Variants in ZNF431 observed in about 807,000 individuals in gnomAD.
The protein encoded by ZNF431 is zinc finger protein 431.
In ZNF431, 34 loss-of-function variants were observed where a neutral mutation model predicts 57.0. That is an observed-to-expected ratio of 0.60 (90% CI 0.45 to 0.79). ZNF431 has a LOEUF of 0.79. Ranked by LOEUF, ZNF431 falls within the 30% of genes least tolerant of loss-of-function variation. The pLI is 0.00. For missense variants in ZNF431, 607 were observed against 667.1 expected, an observed-to-expected ratio of 0.91 and a Z score of 0.99; for synonymous variants, 207 against 220.3, an observed-to-expected ratio of 0.94 and a Z score of 0.54.
chr19:21,151,069 T>G (rs1436289516), intron 2 of ZNF431: 1 of 152,130 alleles, frequency 6.6e-6, no homozygotes, highest in Admixed American at 6.6e-5. Flanking sequence ...TTTTTTTTTT[T>G]GGAATGGAGT....
At chr19:21,148,228 C>G (rs12052171) in intron 2 of ZNF431, among the ~76,000 whole-genome samples, 24,266 of 152,012 alleles carry the variant, frequency 0.16, 2,194 homozygotes, top group African/African-American at 0.24. Context: ...AACTCCTGAC[C>G]TTGTGATCGG....
chr19:21,149,971 C>T (rs540539534), intron 2 of ZNF431: 36 of 588,464 alleles, frequency 6.1e-5, no homozygotes, highest in Middle Eastern at 4.8e-4. Context: ...CCACATCATG[C>T]GCAATCACCA....
Position 21,193,254 on chromosome 19 carries a change from C to G in ZNF431, c.*9220C>G, listed in dbSNP as rs998455234. On this transcript the variant is annotated 3_prime_UTR_variant, in exon 5 of 5. Coordinates refer to ENST00000311048, the MANE Select transcript of ZNF431 (RefSeq NM_133473.4). ...ATTATATAAAATCTGTATCGCTGCA[C>G]GAGGTGGCTCACGCCTGTAATCCCA... The G allele has an allele frequency of 6.6e-6, 1 of 152,106 alleles. No individual in the cohort carries two copies. Among genetic ancestry groups the G allele is most frequent in the Admixed American group, 6.5e-5 (1 of 15,270 alleles). The allele number at this position is 152,106 out of a possible 1,614,324, so 9.4% of individuals were successfully genotyped here. A position where few individuals can be genotyped will look rare whatever the true frequency, so the allele number is the denominator to read the frequency against.
intron 4 of ZNF431, among the ~76,000 whole-genome samples, chr19:21,170,952 C>T (rs775194723): frequency 6.6e-5 from 10 of 152,144 alleles, no homozygotes; most frequent in Non-Finnish European, 1.0e-4. Flanking sequence ...GGATTACAGG[C>T]GTGAGCCATT....
At chr19:21,147,276 C>G (rs1193846295) in intron 2 of ZNF431, among the ~76,000 whole-genome samples, 3 of 152,074 alleles carry the variant, frequency 2.0e-5, no homozygotes, top group African/African-American at 7.2e-5. Context: ...TATCTGACGT[C>G]AGGAGTTCAA....
In ZNF431 at chr19:21,185,849, TACAA is replaced by T. The variant is rs1276824634; in HGVS notation, c.*1820_*1823del. On this transcript the variant is annotated 3_prime_UTR_variant, in exon 5 of 5. Coordinates refer to ENST00000311048, the MANE Select transcript of ZNF431 (RefSeq NM_133473.4). ...CATCTGTAGCATTTCTCCTTTGTTT[TACAA>T]ACAATCCAATTCTACACTTTAAAAA... 3 of 151,732 alleles carry T rather than the reference TACAA, an allele frequency of 2.0e-5. No homozygotes were observed. Among genetic ancestry groups the T allele is most frequent in the Non-Finnish European group, 4.4e-5 (3 of 68,008 alleles). 9.4% of individuals were successfully genotyped at this position (151,732 alleles called of 1,614,324 possible). A position where few individuals can be genotyped will look rare whatever the true frequency, so the allele number is the denominator to read the frequency against.
chr19:21,147,454 C>T (rs1970132625), intron 2 of ZNF431, among the ~76,000 whole-genome samples: 1 of 152,020 alleles, frequency 6.6e-6, no homozygotes, highest in Non-Finnish European at 1.5e-5. Flanking sequence ...TGCATCATTA[C>T]ACTCCAGCTC....
At chr19:21,171,634 T>C (rs2145011265) in intron 4 of ZNF431, among the ~76,000 whole-genome samples, 1 of 150,664 alleles carries the variant, frequency 6.6e-6, no homozygotes. Context: ...TTTTATCTTG[T>C]CTAAGTGAGT....
At chr19:21,162,823 T>G (rs1970613023) in intron 2 of ZNF431, 1 of 891,464 alleles carries the variant, frequency 1.1e-6, no homozygotes, top group Non-Finnish European at 1.3e-6. Flanking sequence ...AACCAGTGCT[T>G]ACAGAAATAT....
At position 21,150,649 on chromosome 19, in the gene ZNF431, T is replaced by C. The variant is rs147527653; in HGVS notation, c.96+7006T>C. Among the ~76,000 whole-genome samples the C allele has an allele frequency of 3.2e-3, 491 of 152,246 alleles. 3 individuals are homozygous for C. The highest frequency in any genetic ancestry group is 0.011 in the African/African-American group (451 of 41,540). ...GAGAATTAGTTAATCCCAAGGGAAG[T>C]CTTATTTCTCAGTAGGGGTTGGGGA... On this transcript the variant is annotated intron_variant, in intron 2 of 4. Transcript: ENST00000311048.
intron 4 of ZNF431, among the ~76,000 whole-genome samples, chr19:21,174,245 A>G (rs371478623): frequency 6.6e-6 from 1 of 152,298 alleles, no homozygotes; most frequent in East Asian, 1.9e-4. Context: ...ATTCCTCTAT[A>G]TGCAAAATAG....
intron 4 of ZNF431, among the ~76,000 whole-genome samples, chr19:21,176,943 C>A (rs916917536): frequency 1.3e-5 from 2 of 152,038 alleles, no homozygotes; most frequent in African/African-American, 4.8e-5. Flanking sequence ...CCTCATCTAC[C>A]CCCTTTGGCC....
chr19:21,184,205 C>A lies in ZNF431; in HGVS notation c.*171C>A. On this transcript the variant is annotated 3_prime_UTR_variant, in exon 5 of 5. Transcript: ENST00000311048. ...TCTCTACTAAAAATACAAAAATTAT[C>A]TGGGTGTGGTGGCACGTGCCTGTAT... The A allele has an allele frequency of 5.2e-6, 3 of 572,074 alleles. No homozygotes were observed. Among genetic ancestry groups the A allele is most frequent in the South Asian group, 5.8e-5 (2 of 34,748 alleles). The allele number at this position is 572,074 out of a possible 1,614,324, so 35.4% of individuals were successfully genotyped here. A position where few individuals can be genotyped will look rare whatever the true frequency, so the allele number is the denominator to read the frequency against.
chr19:21,150,223 T>C, intron 2 of ZNF431: 1 of 532,574 alleles, frequency 1.9e-6, no homozygotes. Context: ...AAAAACACTT[T>C]CAGCCGCCTA....
intron 2 of ZNF431, among the ~76,000 whole-genome samples, chr19:21,159,333 A>G (rs1003008168): frequency 2.0e-5 from 3 of 151,226 alleles, no homozygotes; most frequent in East Asian, 3.9e-4. Context: ...GAATTATGAT[A>G]TATATATATA....
intron 2 of ZNF431, among the ~76,000 whole-genome samples, chr19:21,163,610 CCT>C (rs1205740919): frequency 2.0e-5 from 3 of 152,122 alleles, no homozygotes; most frequent in African/African-American, 7.2e-5. Context: ...CAACCTCTGC[CCT>C]CTGGGTTTAA....
chr19:21,153,752 T>C (rs1280663713), intron 2 of ZNF431, among the ~76,000 whole-genome samples: 1 of 152,144 alleles, frequency 6.6e-6, no homozygotes, highest in African/African-American at 2.4e-5. Flanking sequence ...GTTTCGCTCT[T>C]GTTGTCCAGT....
Position 21,142,053 on chromosome 19 carries a change from G to T in ZNF431, c.-131G>T. 7 of 1,239,556 alleles carry T rather than the reference G, an allele frequency of 5.6e-6. 1 individual carries two copies. The highest frequency in any genetic ancestry group is 3.9e-5 in the South Asian group (3 of 76,248). The allele number at this position is 1,239,556 out of a possible 1,614,324, so 76.8% of individuals were successfully genotyped here. A position where few individuals can be genotyped will look rare whatever the true frequency, so the allele number is the denominator to read the frequency against. On this transcript the variant is annotated 5_prime_UTR_variant, in exon 1 of 5. Coordinates refer to ENST00000311048, the MANE Select transcript of ZNF431 (RefSeq NM_133473.4). ...GGCGGGGCCTTTGTCTCTCGCCGCA[G>T]CCTGAGCTCCAGGTCTCCCCTTCGC...
At chr19:21,176,622 T>C (rs1320618319) in intron 4 of ZNF431, among the ~76,000 whole-genome samples, 1 of 152,192 alleles carries the variant, frequency 6.6e-6, no homozygotes, top group African/African-American at 2.4e-5. Flanking sequence ...TTAACCTTAG[T>C]CAGATGGATA....
Sources: gnomAD v4.1 joint callset for allele counts (sites outside exome capture counted in the v4.1 genomes callset) on GRCh38, gnomAD v4.1.1 for gene constraint, MANE v1.5 for transcripts, NCBI Gene and HGNC (gene_info 2026-07-23, HGNC 2026-07-21) for gene names.